MAF: variants seen among roughly 807,000 people sequenced by gnomAD.
MAF encodes MAF bZIP transcription factor.
In MAF, 10 loss-of-function variants were observed where a neutral mutation model predicts 22.0. That is an observed-to-expected ratio of 0.45 (90% CI 0.28 to 0.77). The LOEUF is 0.77. MAF is among the 30% of genes least tolerant of loss of function. The pLI, the probability that MAF is intolerant of heterozygous loss-of-function variation, is 0.12. For synonymous variants in MAF, 337 were observed against 255.8 expected, an observed-to-expected ratio of 1.32 and a Z score of -3.03; for missense variants, 544 against 548.4, an observed-to-expected ratio of 0.99 and a Z score of 0.08.
chr16:79,468,324 G>T, the MAF span, among the ~76,000 whole-genome samples: 2 of 152,160 alleles, frequency 1.3e-5, no homozygotes, highest in African/African-American at 2.4e-5. Flanking sequence ...GACGGCACTG[G>T]GGGGATGCCC....
chr16:79,232,761 G>C, the MAF span, among the ~76,000 whole-genome samples: 1 of 151,286 alleles, frequency 6.6e-6, no homozygotes, highest in African/African-American at 2.4e-5. Flanking sequence ...GATAGGATTA[G>C]ATAATGCAGA....
At chr16:79,566,946 T>G in the MAF span, among the ~76,000 whole-genome samples, 1 of 152,204 alleles carries the variant, frequency 6.6e-6, no homozygotes, top group Non-Finnish European at 1.5e-5. Flanking sequence ...CTTAGGGCAT[T>G]TTATAGAGTC....
chr16:79,231,718 G>A, the MAF span, among the ~76,000 whole-genome samples: 9,829 of 152,132 alleles, frequency 0.065, 432 homozygotes, highest in Non-Finnish European at 0.092. Flanking sequence ...CTGGTTTCAC[G>A]GAAGACAGTT....
At chr16:79,366,522 T>G in the MAF span, among the ~76,000 whole-genome samples, 1 of 152,240 alleles carries the variant, frequency 6.6e-6, no homozygotes, top group African/African-American at 2.4e-5. Context: ...TTCCTGACCT[T>G]CTAGACACAT....
chr16:79,535,607 G>A, the MAF span, among the ~76,000 whole-genome samples: 23 of 48,538 alleles, frequency 4.7e-4, no homozygotes, highest in Admixed American at 1.5e-3. Flanking sequence ...TTTTTTTTCC[G>A]AGACAGAGTT....
the MAF span, among the ~76,000 whole-genome samples, chr16:79,381,321 G>A: frequency 1.3e-5 from 2 of 152,196 alleles, no homozygotes; most frequent in Non-Finnish European, 2.9e-5. Flanking sequence ...AACAACCATA[G>A]GTCAGAGAGT....
the MAF span, among the ~76,000 whole-genome samples, chr16:79,346,336 T>C: frequency 6.6e-6 from 1 of 152,072 alleles, no homozygotes; most frequent in East Asian, 1.9e-4. Context: ...TTCATCCACG[T>C]CCCTACAAAG....
At chr16:79,448,795 C>T in the MAF span, among the ~76,000 whole-genome samples, 8 of 151,934 alleles carry the variant, frequency 5.3e-5, no homozygotes, top group East Asian at 9.7e-4. Flanking sequence ...AGACTTTATA[C>T]TACAGTATAG....
chr16:79,322,516 A>G, the MAF span, among the ~76,000 whole-genome samples: 3 of 152,206 alleles, frequency 2.0e-5, no homozygotes, highest in African/African-American at 7.2e-5. Context: ...GAAAGAGAAC[A>G]AAACTATATT....
the MAF span, among the ~76,000 whole-genome samples, chr16:79,461,596 T>C: frequency 6.6e-6 from 1 of 152,224 alleles, no homozygotes; most frequent in Non-Finnish European, 1.5e-5. Context: ...CAGAGGATTC[T>C]GGGAAATATC....
At chr16:79,362,243 T>C in the MAF span, among the ~76,000 whole-genome samples, 1 of 152,192 alleles carries the variant, frequency 6.6e-6, no homozygotes, top group Non-Finnish European at 1.5e-5. Context: ...TAAATATTGT[T>C]TGTTTGCTTG....
the MAF span, among the ~76,000 whole-genome samples, chr16:79,238,999 C>T: frequency 6.6e-5 from 10 of 151,852 alleles, no homozygotes; most frequent in Admixed American, 4.6e-4. Flanking sequence ...TTGTCCTCAC[C>T]GTGCTGGCTA....
the MAF span, chr16:79,203,884 C>T: frequency 6.6e-6 from 1 of 152,268 alleles, no homozygotes. Flanking sequence ...ATAACCATAA[C>T]AGAGGTTAAA....
the MAF span, among the ~76,000 whole-genome samples, chr16:79,364,578 G>A: frequency 2.2e-4 from 33 of 152,222 alleles, no homozygotes; most frequent in Non-Finnish European, 3.8e-4. Flanking sequence ...GTCCCTGACA[G>A]AGCACACTGT....
the MAF span, among the ~76,000 whole-genome samples, chr16:79,358,084 C>G: frequency 6.6e-6 from 1 of 152,218 alleles, no homozygotes; most frequent in Admixed American, 6.5e-5. Flanking sequence ...AGCAGCTGTT[C>G]CCAGGCACAG....
chr16:79,401,672 G>A, the MAF span, among the ~76,000 whole-genome samples: 138,608 of 152,128 alleles, frequency 0.91, 63,532 homozygotes, highest in South Asian at 0.96. Context: ...AATAATAATA[G>A]TGATAATAAT....
the MAF span, among the ~76,000 whole-genome samples, chr16:79,534,080 A>G: frequency 6.6e-5 from 10 of 152,320 alleles, no homozygotes; most frequent in African/African-American, 2.2e-4. Flanking sequence ...CAATCCCTTG[A>G]GGAAAGAGAT....
At chr16:79,428,844 C>T in the MAF span, among the ~76,000 whole-genome samples, 1 of 74,002 alleles carries the variant, frequency 1.4e-5, no homozygotes, top group East Asian at 1.4e-3. Context: ...GACCCTGTCT[C>T]AGAAAAATAA....
chr16:79,385,905 G>A, the MAF span, among the ~76,000 whole-genome samples: 5 of 152,050 alleles, frequency 3.3e-5, no homozygotes, highest in Non-Finnish European at 5.9e-5. Flanking sequence ...ACTCTGTAAC[G>A]AAAAACAAAC....
Sources: allele counts gnomAD v4.1 joint callset (sites outside exome capture counted in the v4.1 genomes callset), GRCh38; gene constraint gnomAD v4.1.1; transcripts MANE v1.5; gene names NCBI Gene and HGNC (gene_info 2026-07-23, HGNC 2026-07-21).